TMIGD3: variants seen among roughly 807,000 people sequenced by gnomAD.
TMIGD3 encodes AD026 protein (AD026).
In TMIGD3, 21 loss-of-function variants were observed where a neutral mutation model predicts 28.1. That is an observed-to-expected ratio of 0.75 (90% CI 0.53 to 1.08). The LOEUF is 1.08. TMIGD3 is among the 50% of genes least tolerant of loss of function. The pLI, the probability that TMIGD3 is intolerant of heterozygous loss-of-function variation, is 0.00. For missense variants in TMIGD3, 416 were observed against 435.6 expected (o/e 0.96, Z 0.40); for synonymous variants, 151 against 162.1 (o/e 0.93, Z 0.52).
intron 1 of TMIGD3, among the ~76,000 whole-genome samples, chr1:111,512,814 C>T (rs1480080890): frequency 2.0e-5 from 3 of 152,196 alleles, no homozygotes; most frequent in African/African-American, 4.8e-5. Context: ...GGGGTGTGTT[C>T]CATAGACCCT....
rs568411430 is a variant in TMIGD3 at position 111,563,069 on chromosome 1, G to A, written c.107+777C>T. Reference sequence around the variant, plus strand: ...CTAAGGCTTAAAGAGAGTAAGCAGCGTACTCAAAGTCCTACACAGCTAGTA... The same window carrying A: ...CTAAGGCTTAAAGAGAGTAAGCAGCATACTCAAAGTCCTACACAGCTAGTA... On this transcript the variant is annotated intron_variant, in intron 1 of 5. Transcript: ENST00000369717. 3.4e-4 allele frequency among the ~76,000 whole-genome samples: 52 copies of A among 152,248 alleles called. No individual in the cohort carries two copies. In the South Asian group the frequency reaches 8.3e-3, roughly 24 times the overall value.
At chr1:111,528,771 A>T (rs1487580934) in intron 1 of TMIGD3, among the ~76,000 whole-genome samples, 1 of 152,018 alleles carries the variant, frequency 6.6e-6, no homozygotes, top group Non-Finnish European at 1.5e-5. Context: ...TATTTTGGGG[A>T]TGATAATATA....
At position 111,503,500 on chromosome 1, in the gene TMIGD3, CT is replaced by C; in HGVS notation, c.-147del. ...AATTCCCAACTTGCTCATTCCTACC[CT>C]TTTCTGGTGGGGTGATCTCTTGGAA... is the stretch of plus-strand genomic sequence containing the variant. On this transcript the variant is annotated 5_prime_UTR_variant, in exon 1 of 6. Transcript: ENST00000369716. The C allele has an allele frequency of 6.9e-7, 1 of 1,443,342 alleles. No homozygotes were observed. Among genetic ancestry groups the C allele is most frequent in the Admixed American group, 2.8e-5 (1 of 36,098 alleles). The allele number at this position is 1,443,342 out of a possible 1,614,324, so 89.4% of individuals were successfully genotyped here. A position where few individuals can be genotyped will look rare whatever the true frequency, so the allele number is the denominator to read the frequency against.
chr1:111,560,147 C>CT (rs1478116735), intron 1 of TMIGD3, among the ~76,000 whole-genome samples: 1 of 152,174 alleles, frequency 6.6e-6, no homozygotes, highest in Non-Finnish European at 1.5e-5. Flanking sequence ...ACAAAATTGT[C>CT]TAGCATTCTC....
intron 1 of TMIGD3, among the ~76,000 whole-genome samples, chr1:111,517,589 A>T (rs1007045391): frequency 6.6e-6 from 1 of 152,220 alleles, no homozygotes; most frequent in African/African-American, 2.4e-5. Flanking sequence ...CAGCCCTGCC[A>T]CTTAGTGGCT....
upstream of TMIGD3, among the ~76,000 whole-genome samples, chr1:111,507,907 T>C (rs1280372627): frequency 6.6e-6 from 1 of 152,212 alleles, no homozygotes; most frequent in Admixed American, 6.5e-5. Context: ...GCTCTGCCTC[T>C]CCATCAAGCC....
intron 1 of TMIGD3, among the ~76,000 whole-genome samples, chr1:111,533,348 T>C (rs148282383): frequency 2.2e-3 from 337 of 152,322 alleles, no homozygotes; most frequent in African/African-American, 7.6e-3. Flanking sequence ...GTTATCTGCA[T>C]TCCTTAATGG....
chr1:111,558,157 T>A (rs930620377), intron 1 of TMIGD3, among the ~76,000 whole-genome samples: 4 of 152,136 alleles, frequency 2.6e-5, no homozygotes. Flanking sequence ...ACTCTTTGGG[T>A]TAAAAAAGTC....
chr1:111,511,012 G>T (rs527682368), intron 1 of TMIGD3, among the ~76,000 whole-genome samples: 3 of 152,120 alleles, frequency 2.0e-5, no homozygotes, highest in African/African-American at 7.2e-5. Flanking sequence ...CTTAGGAATC[G>T]CACTGGGTAA....
At chr1:111,491,353 G>A (rs1325778140) in intron 1 of TMIGD3, among the ~76,000 whole-genome samples, 5 of 152,232 alleles carry the variant, frequency 3.3e-5, no homozygotes, top group African/African-American at 1.2e-4. Context: ...AGAAGAGCTG[G>A]GACAAAGCAA....
chr1:111,502,398 A>C (rs1466370468), intron 1 of TMIGD3, among the ~76,000 whole-genome samples: 1 of 134,008 alleles, frequency 7.5e-6, no homozygotes, highest in Non-Finnish European at 1.6e-5. Context: ...TATAGGATAC[A>C]TATATTTATT....
Position 111,559,157 on chromosome 1 carries a change from AAAACTTGTGGGAT to A in TMIGD3, c.107+4676_107+4688del, listed in dbSNP as rs561924902. Among the ~76,000 whole-genome samples, 440 of 152,302 alleles carry A rather than the reference AAAACTTGTGGGAT, an allele frequency of 2.9e-3. 1 individual carries two copies. The highest frequency in any genetic ancestry group is 5.1e-3 in the Non-Finnish European group (344 of 68,016). ...AATAATAATAATGAAAATACATATCAAAACTTGTGGGATACAACTAAACTAGTATTTAGAGGGA... is the reference window on the plus strand; with the variant it reads ...AATAATAATAATGAAAATACATATCAACAACTAAACTAGTATTTAGAGGGA... On this transcript the variant is annotated intron_variant, in intron 1 of 5. Coordinates refer to the TMIGD3 transcript ENST00000369717.
chr1:111,546,887 A>G (rs544089968), intron 1 of TMIGD3, among the ~76,000 whole-genome samples: 2 of 152,300 alleles, frequency 1.3e-5, no homozygotes, highest in Middle Eastern at 3.4e-3. Context: ...CATTCCTACT[A>G]GCAGTTCCCA....
At chr1:111,533,125 C>T (rs1244731898) in intron 1 of TMIGD3, among the ~76,000 whole-genome samples, 2 of 152,146 alleles carry the variant, frequency 1.3e-5, no homozygotes, top group Non-Finnish European at 2.9e-5. Context: ...CTGACTGTCC[C>T]CCAAAAGGAT....
intron 1 of TMIGD3, among the ~76,000 whole-genome samples, chr1:111,552,242 G>A (rs547373007): frequency 3.3e-5 from 5 of 152,212 alleles, no homozygotes; most frequent in African/African-American, 9.6e-5. Context: ...TCCAAATGAC[G>A]ACATTCATTC....
intron 1 of TMIGD3, among the ~76,000 whole-genome samples, chr1:111,533,180 T>C (rs116321383): frequency 0.016 from 2,381 of 152,278 alleles, 66 homozygotes; most frequent in African/African-American, 0.054. Flanking sequence ...TTCATTTTTG[T>C]ACGTGGAGGA....
intron 1 of TMIGD3, among the ~76,000 whole-genome samples, chr1:111,532,415 T>C (rs1656488208): frequency 6.6e-6 from 1 of 152,144 alleles, no homozygotes; most frequent in Non-Finnish European, 1.5e-5. Flanking sequence ...AAAATCTCAT[T>C]TGCACTCGCC....
chr1:111,542,297 C>A, intron 1 of TMIGD3: 2 of 540,738 alleles, frequency 3.7e-6, no homozygotes, highest in Non-Finnish European at 3.6e-6. Context: ...TTCGAACACA[C>A]GCGACAAGAG....
At chr1:111,561,758 G>A (rs1657747116) in intron 1 of TMIGD3, among the ~76,000 whole-genome samples, 1 of 152,142 alleles carries the variant, frequency 6.6e-6, no homozygotes, top group Non-Finnish European at 1.5e-5. Context: ...GTGTATGTGT[G>A]TGTACGTATA....
Sources: allele counts gnomAD v4.1 joint callset (sites outside exome capture counted in the v4.1 genomes callset), GRCh38; gene constraint gnomAD v4.1.1; transcripts MANE v1.5; gene names NCBI Gene and HGNC (gene_info 2026-07-23, HGNC 2026-07-21).